The following MYO1B variants were observed in gnomAD, a reference collection of about 807,000 sequenced individuals.
MYO1B encodes unconventional myosin-Ib.
A neutral mutation model predicts 159.7 loss-of-function variants in MYO1B; 72 were observed. That is an observed-to-expected ratio of 0.45 (90% confidence interval 0.37 to 0.55). The LOEUF is 0.55. Among genes scored for constraint, MYO1B ranks in the 20% least tolerant of loss-of-function variants. MYO1B has a pLI of 0.00. For missense variants in MYO1B, 1,062 were observed against 1,364.8 expected (o/e 0.78, Z 3.50); for synonymous variants, 468 against 473.8 (o/e 0.99, Z 0.16).
At chr2:191,361,643 C>T (rs1195009815) in intron 8 of MYO1B, among the ~76,000 whole-genome samples, 2 of 151,110 alleles carry the variant, frequency 1.3e-5, no homozygotes, top group Non-Finnish European at 2.9e-5. Flanking sequence ...GTAGAAGTAT[C>T]TACATATATT....
At chr2:191,353,253 T>G (rs1016618279) in intron 7 of MYO1B, among the ~76,000 whole-genome samples, 9 of 150,950 alleles carry the variant, frequency 6.0e-5, no homozygotes, top group African/African-American at 2.2e-4. Flanking sequence ...TCTCCTAGTT[T>G]GTTAAGGTTT....
intron 24 of MYO1B, among the ~76,000 whole-genome samples, chr2:191,404,118 T>A (rs1696768640): frequency 2.0e-5 from 3 of 152,176 alleles, no homozygotes; most frequent in Admixed American, 2.0e-4. Context: ...ATTTTGTACT[T>A]TTTTTTTCTA....
At chr2:191,330,417 G>A (rs150754798) in intron 4 of MYO1B, among the ~76,000 whole-genome samples, 60 of 152,292 alleles carry the variant, frequency 3.9e-4, no homozygotes, top group African/African-American at 1.4e-3. Context: ...GCTAAAAAGT[G>A]AGGGAAGATA....
intron 30 of MYO1B, among the ~76,000 whole-genome samples, chr2:191,421,779 A>G (rs1414732402): frequency 1.3e-5 from 2 of 152,240 alleles, no homozygotes; most frequent in African/African-American, 2.4e-5. Context: ...CCCAGCCACA[A>G]GTGGTCTTTG....
chr2:191,341,324 C>T, intron 4 of MYO1B, 137 bp from the exon 5 acceptor site: 1 of 593,508 alleles, frequency 1.7e-6, no homozygotes, highest in Non-Finnish European at 2.9e-6. Flanking sequence ...GAAAGGTATC[C>T]AAAACATTAT....
chr2:191,364,265 A>T lies in MYO1B; in HGVS notation c.1021A>T (p.Asn341Tyr), dbSNP rs1393786635. Residue 341 changes from asparagine to tyrosine, a missense_variant, in exon 11 of 31, where the codon AAT (asparagine) becomes TAT (tyrosine). Around this residue, in one of 5 missense-constraint regions of MYO1B, gnomAD observed 415 missense variants for 544.0 expected, o/e 0.76. Transcript: ENST00000392318. ...ACAGGAGAAAGTTTCAACTACACTG[A>T]ATGTGGCTCAGGTGGGTGAAACATA... is the stretch of plus-strand genomic sequence containing the variant. Reference protein sequence around the residue: ...AKQEKVSTTLNVAQAYYARDA... With the variant: ...AKQEKVSTTLYVAQAYYARDA... The T allele has an allele frequency of 6.2e-7, 1 of 1,612,716 alleles. No individual in the cohort carries two copies. The highest frequency in any genetic ancestry group is 2.2e-5 in the East Asian group (1 of 44,862).
chr2:191,408,115 G>A lies in MYO1B; in HGVS notation c.2557G>A (p.Val853Ile), dbSNP rs1697039874. Residue 853 changes from valine to isoleucine, a missense_variant and splice_region_variant, in exon 25 of 31, where the codon GTA becomes ATA. Physicochemically the swap from Val to Ile is conservative, Grantham distance 29 (BLOSUM62 3). This residue lies in a region of MYO1B where 609 missense variants were observed against 744.4 expected (regional missense o/e 0.82). Coordinates refer to ENST00000392318, the MANE Select transcript of MYO1B (RefSeq NM_001130158.3). ...TGTAACCTACATCTTCTTTTTAAAGGTACGTAGAGAATACAGGAAATTCTT... is the reference window on the plus strand; with the variant it reads ...TGTAACCTACATCTTCTTTTTAAAGATACGTAGAGAATACAGGAAATTCTT... ...VIWAYWLGLK[V>I]RREYRKFFRA... 5.6e-6 allele frequency: 9 copies of A among 1,608,348 alleles called. No homozygotes were observed. The East Asian group carries it at 2.0e-4, about 36-fold the overall frequency.
At chr2:191,302,833 C>T (rs1300566151) in intron 3 of MYO1B, among the ~76,000 whole-genome samples, 1 of 152,312 alleles carries the variant, frequency 6.6e-6, no homozygotes, top group Non-Finnish European at 1.5e-5. Context: ...TTTCTGGTTA[C>T]CCTCATTTAA....
chr2:191,372,345 T>TA (rs1241371082), intron 13 of MYO1B, among the ~76,000 whole-genome samples: 1 of 152,232 alleles, frequency 6.6e-6, no homozygotes, highest in African/African-American at 2.4e-5. Context: ...TATGATGGGA[T>TA]ATCTAGTTAA....
chr2:191,365,502 A>G (rs1186517255), intron 11 of MYO1B, among the ~76,000 whole-genome samples: 1 of 152,214 alleles, frequency 6.6e-6, no homozygotes, highest in East Asian at 1.9e-4. Flanking sequence ...TTTCCTAGCT[A>G]TAGCCATTGC....
chr2:191,403,558 A>C (rs757876424), intron 24 of MYO1B, among the ~76,000 whole-genome samples: 1 of 152,146 alleles, frequency 6.6e-6, no homozygotes, highest in African/African-American at 2.4e-5. Flanking sequence ...TATGACATTT[A>C]ATCTTACTCC....
intron 1 of MYO1B, among the ~76,000 whole-genome samples, chr2:191,252,798 C>A (rs1199497094): frequency 6.6e-6 from 1 of 152,152 alleles, no homozygotes; most frequent in African/African-American, 2.4e-5. Context: ...TACTTGGTCC[C>A]CTGTGGACTT....
At chr2:191,379,151 T>C (rs1694898352) in intron 13 of MYO1B, 1 of 152,666 alleles carries the variant, frequency 6.6e-6, no homozygotes, top group East Asian at 1.9e-4. Flanking sequence ...ACAGCCTGAA[T>C]GGTAAAAGCC....
chr2:191,420,982 G>T (rs1697899209), intron 30 of MYO1B, among the ~76,000 whole-genome samples: 1 of 151,908 alleles, frequency 6.6e-6, no homozygotes, highest in Admixed American at 6.6e-5. Context: ...CTTAAAGCCT[G>T]ATCTAATAAC....
intron 5 of MYO1B, among the ~76,000 whole-genome samples, chr2:191,342,163 C>T (rs1216712125): frequency 6.6e-6 from 1 of 152,164 alleles, no homozygotes; most frequent in Non-Finnish European, 1.5e-5. Flanking sequence ...ATTCTGAGGC[C>T]TCTTTTCTTG....
intron 20 of MYO1B, among the ~76,000 whole-genome samples, chr2:191,393,721 C>T (rs931619347): frequency 6.6e-6 from 1 of 152,146 alleles, no homozygotes; most frequent in African/African-American, 2.4e-5. Context: ...ATTGCATTCT[C>T]TTTAGTCCTT....
At chr2:191,378,003 T>C (rs1694815075) in intron 13 of MYO1B, 2 of 152,138 alleles carry the variant, frequency 1.3e-5, no homozygotes, top group Non-Finnish European at 2.9e-5. Flanking sequence ...TTGTTTTGGT[T>C]TTTTTTTGGC....
At position 191,346,252 on chromosome 2, in the gene MYO1B, A is replaced by G. The variant is rs762486436; in HGVS notation, c.468A>G (p.Lys156=). The G allele has an allele frequency of 6.4e-7, 1 of 1,571,928 alleles. No individual in the cohort carries two copies. The highest frequency in any genetic ancestry group is 8.6e-7 in the Non-Finnish European group (1 of 1,157,668). ...NPVLEAFGNA[K]TVRNDNSSRF... ...TCCTACTAGCTTTTGGAAATGCCAA[A>G]ACTGTAAGGAATGACAACTCCTCTA... is the stretch of plus-strand genomic sequence containing the variant. Residue 156 remains lysine (K), a synonymous_variant, in exon 6 of 31, where the codon AAA becomes AAG. Transcript: ENST00000392318.
chr2:191,277,547 A>C (rs1244285492), intron 2 of MYO1B, among the ~76,000 whole-genome samples: 1 of 152,242 alleles, frequency 6.6e-6, no homozygotes, highest in Non-Finnish European at 1.5e-5. Context: ...AATGCCATAT[A>C]CATAAACAGA....
Sources: gnomAD v4.1 joint callset for allele counts (sites outside exome capture counted in the v4.1 genomes callset) on GRCh38, gnomAD v4.1.1 for gene constraint, gnomAD v4.1.1 regional missense constraint, MANE v1.5 for transcripts, NCBI Gene and HGNC (gene_info 2026-07-23, HGNC 2026-07-21) for gene names.